Variants in PRCP observed in about 807,000 individuals in gnomAD.
The protein encoded by PRCP is lysosomal Pro-X carboxypeptidase.
A neutral mutation model predicts 54.2 loss-of-function variants in PRCP; 46 were observed. That is an observed-to-expected ratio of 0.85 (90% CI 0.67 to 1.09). The LOEUF (loss-of-function observed/expected upper bound fraction) is 1.09. PRCP is among the 50% of genes least tolerant of loss of function. PRCP has a pLI of 0.00. For synonymous variants in PRCP, 240 were observed against 212.2 expected, an observed-to-expected ratio of 1.13 and a Z score of -1.14; for missense variants, 613 against 596.8, an observed-to-expected ratio of 1.03 and a Z score of -0.28.
At chr11:82,880,336 G>A (rs1859716609) in intron 1 of PRCP, among the ~76,000 whole-genome samples, 1 of 152,224 alleles carries the variant, frequency 6.6e-6, no homozygotes, top group Non-Finnish European at 1.5e-5. Context: ...GGGACCCTCT[G>A]AGCCAGGCAC....
chr11:82,828,917 A>G (rs1858308545), intron 8 of PRCP: 1 of 152,130 alleles, frequency 6.6e-6, no homozygotes, highest in Admixed American at 6.5e-5. Flanking sequence ...CAGGCCAAAA[A>G]GTTTGATGTC....
intron 1 of PRCP, among the ~76,000 whole-genome samples, chr11:82,866,301 T>C (rs1042838048): frequency 6.6e-6 from 1 of 152,150 alleles, no homozygotes; most frequent in Non-Finnish European, 1.5e-5. Context: ...TGTCCTCCCT[T>C]CCCACGAAGA....
intron 2 of PRCP, among the ~76,000 whole-genome samples, chr11:82,855,606 G>A (rs12283459): frequency 0.12 from 17,573 of 152,034 alleles, 1,952 homozygotes; most frequent in African/African-American, 0.29. Flanking sequence ...GCAACAGAGC[G>A]AGACTCTGTT....
At chr11:82,888,686 A>T (rs931276762) in intron 1 of PRCP, among the ~76,000 whole-genome samples, 3 of 152,202 alleles carry the variant, frequency 2.0e-5, no homozygotes, top group African/African-American at 7.2e-5. Context: ...ACCCCAAAAT[A>T]AGAAAATTAA....
At chr11:82,831,831 A>G (rs1455615125) in intron 8 of PRCP, among the ~76,000 whole-genome samples, 3 of 152,054 alleles carry the variant, frequency 2.0e-5, no homozygotes, top group Admixed American at 6.6e-5. Flanking sequence ...TCAACCTGTC[A>G]TCTACATTAG....
chr11:82,825,196 C>G lies in PRCP; in HGVS notation c.1275-74G>C, dbSNP rs1158733378. The G allele has an allele frequency of 1.3e-5, 17 of 1,352,648 alleles. No homozygotes were observed. In the East Asian group the frequency reaches 4.3e-4, roughly 34 times the overall value. The allele number at this position is 1,352,648 out of a possible 1,614,324, so 83.8% of individuals were successfully genotyped here. ...TAACACTCAGATAAGCTAGAAGAAA[C>G]CTATTACATGTTTAACACCTAAAAT... On this transcript the variant is annotated intron_variant, in intron 8 of 8. Transcript: ENST00000313010.
chr11:82,824,435 C>A lies in PRCP; in HGVS notation c.*471G>T. The A allele has an allele frequency of 5.6e-6, 1 of 179,158 alleles. No individual in the cohort carries two copies. 11.1% of individuals were successfully genotyped at this position (179,158 alleles called of 1,614,324 possible). A position where few individuals can be genotyped will look rare whatever the true frequency, so the allele number is the denominator to read the frequency against. On this transcript the variant is annotated 3_prime_UTR_variant, in exon 9 of 9. Coordinates refer to ENST00000313010, the MANE Select transcript of PRCP (RefSeq NM_005040.4). ...ATTAAATCCGGTACAAAAGAAATGG[C>A]TCTCACTTCCTGGATTGGCACCAGA...
intron 2 of PRCP, among the ~76,000 whole-genome samples, chr11:82,859,514 A>G (rs1859160976): frequency 6.6e-6 from 1 of 152,122 alleles, no homozygotes; most frequent in African/African-American, 2.4e-5. Context: ...CCTTCTAGAG[A>G]CCATAATCAA....
intron 1 of PRCP, among the ~76,000 whole-genome samples, chr11:82,878,288 T>C (rs183738157): frequency 7.0e-4 from 107 of 152,346 alleles, no homozygotes; most frequent in Middle Eastern, 3.4e-3. Context: ...TTTGGGTTAA[T>C]GCTGAAATGA....
chr11:82,879,456 CT>C (rs1437578303), intron 1 of PRCP, among the ~76,000 whole-genome samples: 3 of 152,184 alleles, frequency 2.0e-5, no homozygotes, highest in Admixed American at 2.0e-4. Flanking sequence ...TTGTTAGCTT[CT>C]TTGCGATGGG....
chr11:82,867,973 C>A (rs1859381639), intron 1 of PRCP, among the ~76,000 whole-genome samples: 1 of 152,150 alleles, frequency 6.6e-6, no homozygotes, highest in Non-Finnish European at 1.5e-5. Flanking sequence ...AAAAAACAGA[C>A]ACAGAGGCCA....
At chr11:82,873,107 T>G in intron 1 of PRCP, among the ~76,000 whole-genome samples, 1 of 150,480 alleles carries the variant, frequency 6.6e-6, no homozygotes, top group Non-Finnish European at 1.5e-5. Flanking sequence ...GAAGAATAAG[T>G]AGAAGGCTAT....
chr11:82,827,929 A>G (rs1658208279), intron 8 of PRCP: 1 of 152,156 alleles, frequency 6.6e-6, no homozygotes, highest in African/African-American at 2.4e-5. Flanking sequence ...AAAGGAAGCA[A>G]TTTTTAATGT....
intron 1 of PRCP, among the ~76,000 whole-genome samples, chr11:82,893,261 C>T (rs945443231): frequency 6.6e-6 from 1 of 152,156 alleles, no homozygotes; most frequent in Non-Finnish European, 1.5e-5. Context: ...GGAGCACAGC[C>T]CCCTGCTCAT....
chr11:82,853,413 T>A, intron 2 of PRCP, 135 bp from the exon 3 acceptor site: 1 of 563,714 alleles, frequency 1.8e-6, no homozygotes, highest in Non-Finnish European at 3.1e-6. Flanking sequence ...AATTTGTGTT[T>A]GTTCCACAAA....
intron 6 of PRCP, among the ~76,000 whole-genome samples, chr11:82,843,903 C>T (rs543854036): frequency 4.0e-5 from 6 of 150,718 alleles, no homozygotes; most frequent in South Asian, 2.1e-4. Flanking sequence ...ATGCAAGAAG[C>T]GTATGATTGG....
At chr11:82,882,415 G>A (rs375974797) in intron 1 of PRCP, among the ~76,000 whole-genome samples, 2 of 151,978 alleles carry the variant, frequency 1.3e-5, no homozygotes, top group African/African-American at 4.8e-5. Context: ...CCATATTAGG[G>A]ACACTAAGCA....
chr11:82,886,142 A>G (rs1228091657), intron 1 of PRCP, among the ~76,000 whole-genome samples: 6 of 152,240 alleles, frequency 3.9e-5, no homozygotes, highest in African/African-American at 2.4e-5. Flanking sequence ...AAAGTTCTGT[A>G]TAATTGAAAT....
intron 1 of PRCP, among the ~76,000 whole-genome samples, chr11:82,878,076 T>A (rs1027009572): frequency 6.6e-6 from 1 of 152,186 alleles, no homozygotes; most frequent in Non-Finnish European, 1.5e-5. Flanking sequence ...AGCTTTAAAA[T>A]TTGACTGCCC....
Sources: gnomAD v4.1 joint callset for allele counts (sites outside exome capture counted in the v4.1 genomes callset) on GRCh38, gnomAD v4.1.1 for gene constraint, MANE v1.5 for transcripts, NCBI Gene and HGNC (gene_info 2026-07-23, HGNC 2026-07-21) for gene names.